The following F11 variants were observed in gnomAD, a reference collection of about 807,000 sequenced individuals.
F11 encodes coagulation factor XI, also known as coagualtion factor XI.
A neutral mutation model predicts 76.5 loss-of-function variants in F11; 78 were observed. That is an observed-to-expected ratio of 1.02 (90% CI 0.85 to 1.23). F11 has a LOEUF of 1.23. Ranked by LOEUF, F11 falls within the 50% of genes most tolerant of loss-of-function variation. The pLI is 0.00. For missense variants in F11, 742 were observed against 771.4 expected, an observed-to-expected ratio of 0.96 and a Z score of 0.45; for synonymous variants, 278 against 276.3, an observed-to-expected ratio of 1.01 and a Z score of -0.06.
At chr4:186,266,521 T>C (rs955005924) in intron 1 of F11, among the ~76,000 whole-genome samples, 2 of 152,158 alleles carry the variant, frequency 1.3e-5, no homozygotes, top group Admixed American at 6.6e-5. Context: ...AACAAGCGTT[T>C]TACGAGTTAA....
chr4:186,273,818 T>C (rs1003623806), intron 4 of F11, among the ~76,000 whole-genome samples: 9 of 152,204 alleles, frequency 5.9e-5, no homozygotes, highest in African/African-American at 2.2e-4. Context: ...GTCTTAATAG[T>C]GAATAGATAC....
At chr4:186,281,861 T>C (rs1740833408) in intron 10 of F11, 1 of 1,203,820 alleles carries the variant, frequency 8.3e-7, no homozygotes, top group Non-Finnish European at 1.1e-6. Flanking sequence ...TTCTGAGAAC[T>C]TGTTTTGTAG....
Position 186,274,078 on chromosome 4 carries a change from ATCT to A in F11, c.326-37_326-35del, listed in dbSNP as rs1401596486. ...AGTTGCTTAGGTCATTGCCCCTAGA[ATCT>A]GGAAGGTACTCATGTCTTCTGCTTT... On this transcript the variant is annotated intron_variant, in intron 4 of 14. Transcript: ENST00000403665. 3.1e-6 allele frequency: 5 copies of A among 1,613,666 alleles called. No individual in the cohort carries two copies. In the Admixed American group the frequency reaches 8.3e-5, roughly 27 times the overall value.
At position 186,270,667 on chromosome 4, in the gene F11, A is replaced by ACC. The variant is rs200851206; in HGVS notation, c.56-941_56-940insCC. ...GCATGATGCACACACACACACACAC[A>ACC]CAGAACACGTGTGTGCGCATGTGCA... On this transcript the variant is annotated intron_variant, in intron 2 of 14. Transcript: ENST00000403665. Among the ~76,000 whole-genome samples the ACC allele has an allele frequency of 2.1e-3, 313 of 151,926 alleles. 1 individual carries two copies. The highest frequency in any genetic ancestry group is 7.2e-3 in the African/African-American group (300 of 41,450).
chr4:186,279,000 G>C (rs955927691), intron 7 of F11, among the ~76,000 whole-genome samples: 1 of 152,116 alleles, frequency 6.6e-6, no homozygotes, highest in Non-Finnish European at 1.5e-5. Flanking sequence ...CCTAGAATAG[G>C]AATAACACAT....
intron 7 of F11, 133 bp from the exon 8 acceptor site, chr4:186,279,879 A>G (rs1344519773): frequency 2.7e-6 from 2 of 744,774 alleles, no homozygotes; most frequent in African/African-American, 3.5e-5. Flanking sequence ...TGGTTTATGA[A>G]GAGTACTTTC....
intron 7 of F11, among the ~76,000 whole-genome samples, chr4:186,279,030 G>A (rs1430296580): frequency 6.6e-6 from 1 of 152,172 alleles, no homozygotes; most frequent in Non-Finnish European, 1.5e-5. Flanking sequence ...AATACAGTAT[G>A]TGATAGGAAC....
chr4:186,274,053 A>T (rs2126730239), intron 4 of F11, 63 bp from the exon 5 acceptor site: 1 of 1,588,600 alleles, frequency 6.3e-7, no homozygotes, highest in Non-Finnish European at 8.6e-7. Flanking sequence ...CAGGAGGGAC[A>T]GTTGCTTAGG....
chr4:186,271,761 C>A lies in F11; in HGVS notation c.208C>A (p.Pro70Thr). The change falls in exon 3 of 15, where the codon CCC becomes ACC. Residue 70 changes from proline (P) to threonine (T), a missense_variant. Coordinates refer to ENST00000403665, the MANE Select transcript of F11 (RefSeq NM_000128.4). ...TFTAESPSED[P>T]TRWFTCVLKD... is the part of the protein sequence containing the mutation. ...CACGGCGGAATCACCATCTGAGGAT[C>A]CCACCCGATGGTAAATGCTTATGTT... is the stretch of plus-strand genomic sequence containing the variant. The A allele has an allele frequency of 6.2e-7, 1 of 1,614,166 alleles. No individual in the cohort carries two copies. The highest frequency in any genetic ancestry group is 8.5e-7 in the Non-Finnish European group (1 of 1,180,004).
chr4:186,284,365 T>C, intron 11 of F11, 105 bp downstream of exon 11: 1 of 1,183,654 alleles, frequency 8.4e-7, no homozygotes, highest in Non-Finnish European at 1.2e-6. Flanking sequence ...GATTGTCTTA[T>C]TTGCAAAATT....
intron 10 of F11, chr4:186,281,995 A>T: frequency 1.6e-6 from 2 of 1,260,756 alleles, no homozygotes; most frequent in Non-Finnish European, 2.1e-6. Flanking sequence ...AAAGCAAGTC[A>T]ATTACGTCGT....
intron 2 of F11, among the ~76,000 whole-genome samples, chr4:186,267,644 T>G (rs951465293): frequency 7.9e-5 from 12 of 152,228 alleles, no homozygotes; most frequent in African/African-American, 2.2e-4. Context: ...CCACCCTATG[T>G]CACATCTGCT....
At chr4:186,274,491 C>G (rs1335257986) in intron 5 of F11, 1 of 600,138 alleles carries the variant, frequency 1.7e-6, no homozygotes. Flanking sequence ...ATAACACTGT[C>G]AGAAAAATAT....
chr4:186,275,980 T>C, intron 6 of F11, 84 bp downstream of exon 6: 2 of 1,178,276 alleles, frequency 1.7e-6, no homozygotes, highest in Non-Finnish European at 2.5e-6. Flanking sequence ...TACCAGCTTA[T>C]GCTCACGATG....
chr4:186,270,420 A>G (rs1739852572), intron 2 of F11, among the ~76,000 whole-genome samples: 1 of 152,134 alleles, frequency 6.6e-6, no homozygotes, highest in African/African-American at 2.4e-5. Context: ...TTATATGTTT[A>G]GGGGGTGTAA....
At chr4:186,286,127 A>C in intron 12 of F11, 1 of 518,042 alleles carries the variant, frequency 1.9e-6, no homozygotes, top group Non-Finnish European at 3.4e-6. Context: ...AAGATAATTT[A>C]GGGATGAAGG....
Position 186,271,655 on chromosome 4 carries a change from C to G in F11, c.102C>G (p.Asp34Glu). 1 of 1,614,138 alleles carries G rather than the reference C, an allele frequency of 6.2e-7. No individual in the cohort carries two copies. The highest frequency in any genetic ancestry group is 2.2e-5 in the East Asian group (1 of 44,880). The change falls in exon 3 of 15, where the codon GAC becomes GAG. Residue 34 changes from aspartate (D) to glutamate (E), a missense_variant. By Grantham distance (45) the Asp-to-Glu change is conservative (BLOSUM62 2). Transcript: ENST00000403665. ...LLKDTCFEGG[D>E]ITTVFTPSAK... Reference sequence around the variant, plus strand: ...AGGACACCTGCTTTGAAGGAGGGGACATTACTACGGTCTTCACACCAAGCG... The same window carrying G: ...AGGACACCTGCTTTGAAGGAGGGGAGATTACTACGGTCTTCACACCAAGCG...
chr4:186,281,778 GAT>G (rs1334260521), intron 10 of F11, among the ~76,000 whole-genome samples: 4 of 152,146 alleles, frequency 2.6e-5, no homozygotes, highest in Non-Finnish European at 5.9e-5. Flanking sequence ...CCTGCCTCGT[GAT>G]AGTTTTAGAA....
chr4:186,275,870 T>A lies in F11; in HGVS notation c.569T>A (p.Leu190Gln), dbSNP rs574509278. 4.3e-6 allele frequency: 7 copies of A among 1,612,280 alleles called. No individual in the cohort carries two copies. Among genetic ancestry groups the A allele is most frequent in the Non-Finnish European group, 5.9e-6 (7 of 1,178,938 alleles). The part of the protein sequence containing the change: ...KLDKVVSGFS[L>Q]KSCALSNLAC... ...GATAAAGTGGTGTCTGGATTTTCAC[T>A]GAAATCCTGTGCACTTTCTAATCTG... The change falls in exon 6 of 15, where the codon CTG becomes CAG. Residue 190 changes from leucine (L) to glutamine (Q), a missense_variant. Leu to Gln is a moderately radical substitution (Grantham distance 113). Transcript: ENST00000403665.
Sources: allele counts gnomAD v4.1 joint callset (sites outside exome capture counted in the v4.1 genomes callset), GRCh38; gene constraint gnomAD v4.1.1; transcripts MANE v1.5; gene names NCBI Gene and HGNC (gene_info 2026-07-23, HGNC 2026-07-21).